Variants in PPFIBP2 observed in about 807,000 individuals in gnomAD.
The protein encoded by PPFIBP2 is PPFIB scaffold protein 2.
PPFIBP2 carries 118 observed loss-of-function variants against 118.3 expected under a neutral mutation model. The ratio of observed to expected loss-of-function variants is 1.00; its 90% CI spans 0.86 to 1.16. The LOEUF (loss-of-function observed/expected upper bound fraction) is 1.16. PPFIBP2 is among the 50% of genes most tolerant of loss of function. The pLI is 0.00. For synonymous variants in PPFIBP2, 414 were observed against 397.4 expected (o/e 1.04, Z -0.50); for missense variants, 1,195 against 1,073.1 (o/e 1.11, Z -1.59).
chr11:7,629,601 G>T (rs1298470359), intron 10 of PPFIBP2, 67 bp downstream of exon 10: 3 of 1,489,724 alleles, frequency 2.0e-6, no homozygotes, highest in Middle Eastern at 1.8e-4. Context: ...AAAGCCAGGG[G>T]CAGTTCTGCT....
intron 2 of PPFIBP2, among the ~76,000 whole-genome samples, chr11:7,553,750 A>G (rs1267338544): frequency 1.3e-5 from 2 of 152,172 alleles, no homozygotes; most frequent in Non-Finnish European, 2.9e-5. Flanking sequence ...TATTTGTTTT[A>G]TTGATATTAG....
At chr11:7,579,448 T>C (rs1856937475) in intron 3 of PPFIBP2, among the ~76,000 whole-genome samples, 2 of 152,216 alleles carry the variant, frequency 1.3e-5, no homozygotes, top group Admixed American at 1.3e-4. Flanking sequence ...TAGGTTTTTT[T>C]TTTAAGCCCC....
intron 2 of PPFIBP2, among the ~76,000 whole-genome samples, chr11:7,560,633 G>A (rs1447906036): frequency 6.6e-6 from 1 of 152,158 alleles, no homozygotes; most frequent in Non-Finnish European, 1.5e-5. Context: ...TACGTGTCTG[G>A]TTATATTTCC....
At chr11:7,658,061 G>A (rs1854801355), downstream of PPFIBP2, among the ~76,000 whole-genome samples, 1 of 152,216 alleles carries the variant, frequency 6.6e-6, no homozygotes, top group African/African-American at 2.4e-5. Context: ...ACAGTGTAGT[G>A]GAGTACAGAC....
chr11:7,559,347 C>A (rs58975257), intron 2 of PPFIBP2, among the ~76,000 whole-genome samples: 2,092 of 152,072 alleles, frequency 0.014, 74 homozygotes, highest in African/African-American at 0.048. Context: ...GATTTGTTTC[C>A]CACTGTGGTT....
chr11:7,519,634 G>A (rs1194366421), intron 1 of PPFIBP2, among the ~76,000 whole-genome samples: 1 of 152,120 alleles, frequency 6.6e-6, no homozygotes, highest in African/African-American at 2.4e-5. Flanking sequence ...AGGGCCGGGA[G>A]TTTCCCATAA....
intron 5 of PPFIBP2, among the ~76,000 whole-genome samples, chr11:7,608,294 G>T (rs1700611173): frequency 6.6e-6 from 1 of 152,158 alleles, no homozygotes. Context: ...TTGGGAAACT[G>T]TGATACAATA....
At chr11:7,643,724 G>A (rs958552030) in intron 17 of PPFIBP2, among the ~76,000 whole-genome samples, 4 of 152,164 alleles carry the variant, frequency 2.6e-5, no homozygotes, top group Non-Finnish European at 4.4e-5. Flanking sequence ...TTTAGGTGTA[G>A]CTTTAAAACT....
intron 3 of PPFIBP2, among the ~76,000 whole-genome samples, chr11:7,573,332 T>C (rs1855871737): frequency 6.6e-6 from 1 of 152,238 alleles, no homozygotes; most frequent in African/African-American, 2.4e-5. Context: ...TGCATATTTC[T>C]TACACTCATC....
intron 1 of PPFIBP2, among the ~76,000 whole-genome samples, chr11:7,523,553 C>T (rs913809075): frequency 2.0e-5 from 3 of 152,128 alleles, no homozygotes; most frequent in Non-Finnish European, 2.9e-5. Context: ...AATATGTGCA[C>T]GAGCCTGCTC....
At chr11:7,563,719 C>T (rs143753438) in intron 2 of PPFIBP2, among the ~76,000 whole-genome samples, 44 of 152,290 alleles carry the variant, frequency 2.9e-4, no homozygotes, top group African/African-American at 1.1e-3. Context: ...AATTCCACCA[C>T]CTAAACCATA....
the PPFIBP2 span, among the ~76,000 whole-genome samples, chr11:7,664,010 A>C: frequency 6.6e-6 from 1 of 152,158 alleles, no homozygotes; most frequent in African/African-American, 2.4e-5. Flanking sequence ...TTCGGCTCGC[A>C]CACGGTGCGC....
Position 7,627,852 on chromosome 11 carries a change from A to G in PPFIBP2, c.827-433A>G, listed in dbSNP as rs184766133. On this transcript the variant is annotated intron_variant, in intron 8 of 23. Transcript: ENST00000299492. ...ATTTTTATTTCCCAGTCTTCACTCA[A>G]CTGTAGATTTTTTTAAATGTTAAAT... 3.9e-3 allele frequency among the ~76,000 whole-genome samples: 600 copies of G among 152,330 alleles called. 21 individuals carry two copies. The highest frequency in any genetic ancestry group is 0.035 in the Admixed American group (536 of 15,306).
At chr11:7,648,041 G>A (rs11600389) in intron 17 of PPFIBP2, 5,781 of 173,642 alleles carry the variant, frequency 0.033, 143 homozygotes, top group Middle Eastern at 0.088. Context: ...AGATGATTCC[G>A]CCTAATGAGG....
chr11:7,665,641 G>A, the PPFIBP2 span: 2 of 1,338,250 alleles, frequency 1.5e-6, no homozygotes, highest in South Asian at 1.5e-5. Flanking sequence ...CAGGGAGGAG[G>A]TGACAAGCTG....
At chr11:7,538,865 C>A (rs547608041) in intron 1 of PPFIBP2, among the ~76,000 whole-genome samples, 12 of 152,306 alleles carry the variant, frequency 7.9e-5, no homozygotes, top group African/African-American at 2.4e-4. Flanking sequence ...TCTGATAGAT[C>A]TCAGCCCCCA....
chr11:7,544,795 A>AAC (rs1852154363), intron 1 of PPFIBP2, among the ~76,000 whole-genome samples: 1 of 151,366 alleles, frequency 6.6e-6, no homozygotes, highest in Admixed American at 6.6e-5. Context: ...AAAAAAAAAA[A>AAC]AAATCTACTT....
intron 3 of PPFIBP2, among the ~76,000 whole-genome samples, chr11:7,583,285 C>G (rs1174354491): frequency 1.3e-5 from 2 of 152,148 alleles, no homozygotes; most frequent in Non-Finnish European, 2.9e-5. Context: ...AGGAGCAGCT[C>G]CTTACTTTGG....
At chr11:7,624,120 C>T (rs769899675) in intron 7 of PPFIBP2, among the ~76,000 whole-genome samples, 2 of 152,188 alleles carry the variant, frequency 1.3e-5, no homozygotes, top group Non-Finnish European at 2.9e-5. Flanking sequence ...TATTCAGAAA[C>T]CCTTGCGGTG....
Sources: gnomAD v4.1 joint callset for allele counts (sites outside exome capture counted in the v4.1 genomes callset) on GRCh38, gnomAD v4.1.1 for gene constraint, MANE v1.5 for transcripts, NCBI Gene and HGNC (gene_info 2026-07-23, HGNC 2026-07-21) for gene names.